Variants in MALRD1 observed in about 807,000 individuals in gnomAD.
MALRD1 encodes the protein MAM and LDL-receptor class A domain-containing protein 1.
A neutral mutation model predicts 242.1 loss-of-function variants in MALRD1; 247 were observed. The observed-to-expected ratio is 1.02, with a 90% CI of 0.92 to 1.13. The LOEUF is 1.13. MALRD1 is among the 50% of genes most tolerant of loss of function. The pLI is 0.00. For synonymous variants in MALRD1, 995 were observed against 866.6 expected, an observed-to-expected ratio of 1.15 and a Z score of -2.60; for missense variants, 2,989 against 2,533.1, an observed-to-expected ratio of 1.18 and a Z score of -3.86.
At chr10:19,663,604 A>C (rs1304851099) in intron 36 of MALRD1, among the ~76,000 whole-genome samples, 1 of 152,096 alleles carries the variant, frequency 6.6e-6, no homozygotes, top group African/African-American at 2.4e-5. Context: ...AAATTGGAGC[A>C]TGATTTTTAA....
intron 4 of MALRD1, among the ~76,000 whole-genome samples, chr10:19,098,928 A>G (rs1012472496): frequency 3.9e-5 from 6 of 152,162 alleles, no homozygotes; most frequent in African/African-American, 1.4e-4. Context: ...TGGTCAGACT[A>G]GGTGTGTTAT....
At chr10:19,458,662 T>G (rs963663393) in intron 29 of MALRD1, among the ~76,000 whole-genome samples, 2 of 152,184 alleles carry the variant, frequency 1.3e-5, no homozygotes, top group African/African-American at 4.8e-5. Context: ...TTGGCCAATG[T>G]GCTGTGAGGA....
rs4313470 is a variant in MALRD1, at chr10:19,370,082, A to G, written c.4442-17446A>G. Among the ~76,000 whole-genome samples the G allele has an allele frequency of 5.9e-5, 9 of 152,224 alleles. No individual in the cohort carries two copies. The South Asian group carries it at 1.5e-3, about 25-fold the overall frequency. On this transcript the variant is annotated intron_variant, in intron 26 of 39. Coordinates refer to ENST00000454679, the MANE Select transcript of MALRD1 (RefSeq NM_001142308.3). ...GATTCATCATGAATTAATGTCATGT[A>G]TGGTGTTCCAGCGTCATTTGTTGAA...
chr10:19,643,251 G>T lies in MALRD1; in HGVS notation c.6137+27328G>T, dbSNP rs1481099054. ...GTTCGTGACCAGCCTGGCCAACATGGTGAAACCCCGTCTCTAATAAAAATA... is the reference window on the plus strand; with the variant it reads ...GTTCGTGACCAGCCTGGCCAACATGTTGAAACCCCGTCTCTAATAAAAATA... On this transcript the variant is annotated intron_variant, in intron 36 of 39. Coordinates refer to ENST00000454679, the MANE Select transcript of MALRD1 (RefSeq NM_001142308.3). Among the ~76,000 whole-genome samples the T allele has an allele frequency of 2.0e-5, 3 of 151,916 alleles. 1 individual carries two copies. Among genetic ancestry groups the T allele is most frequent in the South Asian group, 4.2e-4 (2 of 4,818 alleles).
intron 36 of MALRD1, among the ~76,000 whole-genome samples, chr10:19,679,982 G>C (rs968121704): frequency 8.5e-5 from 13 of 152,106 alleles, no homozygotes; most frequent in African/African-American, 2.7e-4. Flanking sequence ...TTAATCTTGA[G>C]TTCTAGTTTG....
At position 19,270,336 on chromosome 10, in the gene MALRD1, T is replaced by TCACACA. The variant is rs200537040; in HGVS notation, c.3080-9675_3080-9670dup. 2.0e-3 allele frequency among the ~76,000 whole-genome samples: 265 copies of TCACACA among 130,958 alleles called. 1 individual carries two copies. The highest frequency in any genetic ancestry group is 4.6e-3 in the East Asian group (21 of 4,552). 85.9% of individuals were successfully genotyped at this position (130,958 alleles called of 152,430 possible). On this transcript the variant is annotated intron_variant, in intron 19 of 39. Transcript: ENST00000454679. ...TCTCTCTTCTCTCTCTCTCTCTCTC[T>TCACACA]CACACACACACACACACACACACAC...
intron 28 of MALRD1, among the ~76,000 whole-genome samples, chr10:19,410,382 A>G (rs574990864): frequency 9.7e-4 from 147 of 152,248 alleles, no homozygotes; most frequent in Non-Finnish European, 1.5e-3. Context: ...CATGAACCTC[A>G]AGTCTAGAAA....
chr10:19,169,230 G>A (rs991398411), intron 13 of MALRD1, among the ~76,000 whole-genome samples: 2 of 151,984 alleles, frequency 1.3e-5, no homozygotes, highest in Non-Finnish European at 2.9e-5. Flanking sequence ...ACCATTCTCA[G>A]CTCTGAGCTA....
intron 14 of MALRD1, among the ~76,000 whole-genome samples, chr10:19,175,945 A>G (rs942234901): frequency 6.6e-6 from 1 of 152,120 alleles, no homozygotes; most frequent in Non-Finnish European, 1.5e-5. Flanking sequence ...GTATTTTAAA[A>G]CCTAATCATT....
intron 35 of MALRD1, among the ~76,000 whole-genome samples, chr10:19,611,649 C>T (rs559590359): frequency 2.6e-5 from 4 of 151,968 alleles, no homozygotes; most frequent in Non-Finnish European, 5.9e-5. Context: ...GGAATTATAT[C>T]TACTTATCTC....
intron 24 of MALRD1, among the ~76,000 whole-genome samples, chr10:19,340,319 C>A (rs1287486658): frequency 6.6e-6 from 1 of 150,724 alleles, no homozygotes; most frequent in African/African-American, 2.4e-5. Flanking sequence ...TAATTTATCA[C>A]TGACTGTAGT....
chr10:19,284,042 T>C (rs1840965304), intron 21 of MALRD1, among the ~76,000 whole-genome samples: 1 of 152,130 alleles, frequency 6.6e-6, no homozygotes, highest in East Asian at 1.9e-4. Flanking sequence ...TCTTTCTGAA[T>C]GGAACACAAA....
intron 33 of MALRD1, among the ~76,000 whole-genome samples, chr10:19,587,092 C>T (rs375377566): frequency 2.2e-4 from 33 of 152,224 alleles, no homozygotes; most frequent in East Asian, 1.2e-3. Flanking sequence ...GGCTCGCGCA[C>T]GGTGCATGCA....
At chr10:19,062,453 G>C (rs1834850436) in intron 1 of MALRD1, among the ~76,000 whole-genome samples, 1 of 152,194 alleles carries the variant, frequency 6.6e-6, no homozygotes, top group Non-Finnish European at 1.5e-5. Context: ...AACCAAAGTA[G>C]GGACTCGAAC....
chr10:19,429,065 G>A (rs1478201061), intron 28 of MALRD1, among the ~76,000 whole-genome samples: 1 of 152,152 alleles, frequency 6.6e-6, no homozygotes, highest in Admixed American at 6.5e-5. Flanking sequence ...CTAGTATATG[G>A]TATGTGTACT....
At chr10:19,442,683 T>C (rs1250603710) in intron 28 of MALRD1, among the ~76,000 whole-genome samples, 1 of 152,180 alleles carries the variant, frequency 6.6e-6, no homozygotes, top group Middle Eastern at 3.2e-3. Context: ...TTGATCATGG[T>C]GGATAAGCTT....
intron 1 of MALRD1, among the ~76,000 whole-genome samples, chr10:19,063,788 T>A (rs1374607392): frequency 7.3e-6 from 1 of 136,656 alleles, no homozygotes; most frequent in Non-Finnish European, 1.5e-5. Context: ...TTCTGGGGAC[T>A]GTTGTGGGGT....
At chr10:19,578,621 G>A (rs187654851) in intron 33 of MALRD1, among the ~76,000 whole-genome samples, 187 of 152,200 alleles carry the variant, frequency 1.2e-3, no homozygotes, top group African/African-American at 4.3e-3. Flanking sequence ...GAACCCAGGA[G>A]GCGGAGGTTG....
intron 39 of MALRD1, among the ~76,000 whole-genome samples, chr10:19,731,853 G>T (rs1835310190): frequency 6.6e-6 from 1 of 152,152 alleles, no homozygotes; most frequent in Admixed American, 6.5e-5. Context: ...CTTTCTTTAT[G>T]AAAATAGGTC....
Sources: gnomAD v4.1 joint callset for allele counts (sites outside exome capture counted in the v4.1 genomes callset) on GRCh38, gnomAD v4.1.1 for gene constraint, MANE v1.5 for transcripts, NCBI Gene and HGNC (gene_info 2026-07-23, HGNC 2026-07-21) for gene names.